FHIT: variants seen among roughly 807,000 people sequenced by gnomAD.
FHIT encodes bis(5'-adenosyl)-triphosphatase.
Under a neutral mutation model 17.9 loss-of-function variants are expected in FHIT, and 19 were observed. The observed-to-expected ratio is 1.06, with a 90% CI of 0.74 to 1.56. The LOEUF is 1.56. FHIT is among the 40% of genes most tolerant of loss of function. The probability of loss-of-function intolerance (pLI) is 0.00; values close to 1 mark genes in which losing one functional copy is unlikely to be tolerated. For synonymous variants in FHIT, 81 were observed against 69.7 expected (o/e 1.16, Z -0.81); for missense variants, 248 against 189.2 (o/e 1.31, Z -1.82).
intron 5 of FHIT, among the ~76,000 whole-genome samples, chr3:60,418,688 G>A (rs1461989019): frequency 2.7e-5 from 4 of 149,188 alleles, no homozygotes; most frequent in Admixed American, 6.8e-5. Context: ...TGTGTGTGAT[G>A]GAATATTATG....
At chr3:60,829,644 G>A (rs1702249419) in intron 3 of FHIT, among the ~76,000 whole-genome samples, 1 of 152,082 alleles carries the variant, frequency 6.6e-6, no homozygotes, top group South Asian at 2.1e-4. Context: ...TAGTATTCGT[G>A]GTACCTAACA....
At chr3:60,842,645 A>ATATTTTTT (rs1396703397) in intron 3 of FHIT, among the ~76,000 whole-genome samples, 1 of 94,600 alleles carries the variant, frequency 1.1e-5, no homozygotes, top group African/African-American at 4.1e-5. Flanking sequence ...ATATATATAT[A>ATATTTTTT]TTTTTTTTTT....
At chr3:60,069,682 T>G (rs534283002) in intron 5 of FHIT, among the ~76,000 whole-genome samples, 1 of 152,334 alleles carries the variant, frequency 6.6e-6, no homozygotes, top group African/African-American at 2.4e-5. Flanking sequence ...TAAAGTTTCT[T>G]CTTGGAAAGA....
chr3:59,904,239 A>AAG lies in FHIT; in HGVS notation c.348+18106_348+18107insCT, dbSNP rs1704476735. 4.6e-5 allele frequency among the ~76,000 whole-genome samples: 7 copies of AAG among 150,792 alleles called. No homozygotes were observed. In the South Asian group the frequency reaches 1.3e-3, roughly 27 times the overall value. ...ATAAAATCATGGTTAAAAAAAAAAA[A>AAG]GGGAAATTTACCAGTAAGCTCTAAA... On this transcript the variant is annotated intron_variant, in intron 8 of 9. Transcript: ENST00000492590.
At chr3:61,070,709 A>AC (rs1471216121) in intron 2 of FHIT, among the ~76,000 whole-genome samples, 1 of 152,036 alleles carries the variant, frequency 6.6e-6, no homozygotes, top group African/African-American at 2.4e-5. Context: ...CTCTCTTTGT[A>AC]CCCCCTGAAA....
chr3:60,631,631 T>C (rs1394109221), intron 4 of FHIT, among the ~76,000 whole-genome samples: 1 of 152,142 alleles, frequency 6.6e-6, no homozygotes, highest in African/African-American at 2.4e-5. Flanking sequence ...CCTTCTTTCA[T>C]CTCCGGAGGC....
chr3:60,380,808 C>A (rs371627749), intron 5 of FHIT, among the ~76,000 whole-genome samples: 15 of 152,308 alleles, frequency 9.8e-5, no homozygotes, highest in Admixed American at 6.5e-5. Flanking sequence ...ACCATTTTAT[C>A]CATCATAGGT....
intron 7 of FHIT, among the ~76,000 whole-genome samples, chr3:59,961,022 G>C (rs1007648454): frequency 6.6e-6 from 1 of 152,182 alleles, no homozygotes; most frequent in Non-Finnish European, 1.5e-5. Context: ...TTTCGTGAAA[G>C]CCAAAATGTC....
At chr3:60,559,765 G>A (rs1231410106) in intron 4 of FHIT, among the ~76,000 whole-genome samples, 2 of 99,772 alleles carry the variant, frequency 2.0e-5, no homozygotes, top group Non-Finnish European at 4.4e-5. Flanking sequence ...CCCTCTTACG[G>A]GCACTTACAC....
At chr3:60,046,538 G>A (rs1701661492) in intron 5 of FHIT, among the ~76,000 whole-genome samples, 1 of 152,042 alleles carries the variant, frequency 6.6e-6, no homozygotes, top group Admixed American at 6.5e-5. Context: ...CCACTTTCAT[G>A]GACACTAGGA....
At chr3:60,573,068 C>G (rs1408225767) in intron 4 of FHIT, among the ~76,000 whole-genome samples, 1 of 152,144 alleles carries the variant, frequency 6.6e-6, no homozygotes, top group African/African-American at 2.4e-5. Flanking sequence ...GACCTGCACC[C>G]AGGTCTTCCC....
intron 5 of FHIT, among the ~76,000 whole-genome samples, chr3:60,303,449 A>G (rs1445461125): frequency 6.6e-6 from 1 of 152,170 alleles, no homozygotes; most frequent in Non-Finnish European, 1.5e-5. Flanking sequence ...TCTATCAGCA[A>G]CATTTACCAG....
intron 4 of FHIT, among the ~76,000 whole-genome samples, chr3:60,609,795 T>C (rs2038729588): frequency 6.6e-6 from 1 of 152,104 alleles, no homozygotes; most frequent in African/African-American, 2.4e-5. Context: ...CCAAGCAGAG[T>C]AAAACTTCTA....
At chr3:60,386,494 T>G (rs930738019) in intron 5 of FHIT, among the ~76,000 whole-genome samples, 2 of 152,178 alleles carry the variant, frequency 1.3e-5, no homozygotes, top group African/African-American at 2.4e-5. Flanking sequence ...TGTACTCTTG[T>G]CATTGTTTCA....
At chr3:60,484,835 A>G (rs958116890) in intron 5 of FHIT, among the ~76,000 whole-genome samples, 6 of 152,230 alleles carry the variant, frequency 3.9e-5, no homozygotes, top group Admixed American at 1.3e-4. Flanking sequence ...GAGCTTCTGT[A>G]CAGCTAAAGA....
intron 4 of FHIT, among the ~76,000 whole-genome samples, chr3:60,729,109 C>T (rs2041976163): frequency 6.6e-6 from 1 of 152,146 alleles, no homozygotes; most frequent in African/African-American, 2.4e-5. Context: ...TGTTCAGTGC[C>T]CTGGTTAAAC....
chr3:60,082,542 A>C (rs139081155), intron 5 of FHIT, among the ~76,000 whole-genome samples: 152 of 152,186 alleles, frequency 1.0e-3, no homozygotes, highest in Non-Finnish European at 1.7e-3. Flanking sequence ...TTCACTGAAA[A>C]ACCTCCCAAC....
intron 5 of FHIT, among the ~76,000 whole-genome samples, chr3:60,417,076 G>C (rs1016868292): frequency 2.3e-4 from 34 of 149,640 alleles, no homozygotes; most frequent in African/African-American, 8.2e-4. Flanking sequence ...TCGACAGAGG[G>C]AGACTCCATC....
intron 4 of FHIT, among the ~76,000 whole-genome samples, chr3:60,543,043 C>G: frequency 6.6e-6 from 1 of 152,152 alleles, no homozygotes. Context: ...AGTCTAGACT[C>G]CTTTCTATTC....
Sources: allele counts gnomAD v4.1 joint callset (sites outside exome capture counted in the v4.1 genomes callset), GRCh38; gene constraint gnomAD v4.1.1; transcripts MANE v1.5; gene names NCBI Gene and HGNC (gene_info 2026-07-23, HGNC 2026-07-21).